The following HS3ST5 variants were observed in gnomAD, a reference collection of about 807,000 sequenced individuals.
HS3ST5 encodes the protein heparan sulfate-glucosamine 3-sulfotransferase 5.
HS3ST5 carries 10 observed loss-of-function variants against 25.4 expected under a neutral mutation model. That is an observed-to-expected ratio of 0.39 (90% CI 0.24 to 0.67). The LOEUF (loss-of-function observed/expected upper bound fraction) is 0.67, where lower values mean the gene tolerates loss of function less well. Ranked by LOEUF, HS3ST5 falls within the 30% of genes least tolerant of loss-of-function variation. HS3ST5 has a pLI of 0.44. For missense variants in HS3ST5, 324 were observed against 420.7 expected, an observed-to-expected ratio of 0.77 and a Z score of 2.01; for synonymous variants, 170 against 162.4, an observed-to-expected ratio of 1.05 and a Z score of -0.36.
At chr6:114,187,001 G>A (rs1315336262) in intron 2 of HS3ST5, among the ~76,000 whole-genome samples, 1 of 152,170 alleles carries the variant, frequency 6.6e-6, no homozygotes, top group African/African-American at 2.4e-5. Flanking sequence ...TGTTCACTAA[G>A]TGTTTTAAGA....
chr6:114,245,354 A>G (rs1194666041), intron 1 of HS3ST5, among the ~76,000 whole-genome samples: 5 of 152,162 alleles, frequency 3.3e-5, no homozygotes, highest in Admixed American at 2.0e-4. Flanking sequence ...CACAGTTATG[A>G]GACAGAAACA....
chr6:114,070,279 G>GAAA (rs542740095), intron 3 of HS3ST5, among the ~76,000 whole-genome samples: 7 of 113,878 alleles, frequency 6.1e-5, no homozygotes, highest in Admixed American at 9.1e-5. Context: ...ATGGGGAGAT[G>GAAA]AAAAAAAAAA....
intron 3 of HS3ST5, among the ~76,000 whole-genome samples, chr6:114,142,212 T>C (rs1027249287): frequency 2.6e-5 from 4 of 152,142 alleles, no homozygotes; most frequent in African/African-American, 9.7e-5. Flanking sequence ...CATCTCTGTA[T>C]AGAATTCTTT....
chr6:114,182,497 T>C (rs1780020256), intron 2 of HS3ST5, among the ~76,000 whole-genome samples: 1 of 152,158 alleles, frequency 6.6e-6, no homozygotes, highest in East Asian at 1.9e-4. Flanking sequence ...AGCAGATTAC[T>C]AAACCTCCTG....
intron 1 of HS3ST5, among the ~76,000 whole-genome samples, chr6:114,316,264 G>GTATAAATTA: frequency 6.6e-6 from 1 of 152,142 alleles, no homozygotes; most frequent in African/African-American, 2.4e-5. Context: ...ATAATTATTT[G>GTATAAATTA]TACAAATTAT....
chr6:114,245,308 G>T (rs1772327741), intron 1 of HS3ST5, among the ~76,000 whole-genome samples: 1 of 152,120 alleles, frequency 6.6e-6, no homozygotes, highest in Non-Finnish European at 1.5e-5. Flanking sequence ...TAAAATGAAG[G>T]TTTAGAGAGA....
intron 2 of HS3ST5, among the ~76,000 whole-genome samples, chr6:114,220,502 G>A (rs1781980696): frequency 6.6e-6 from 1 of 151,908 alleles, no homozygotes; most frequent in Non-Finnish European, 1.5e-5. Flanking sequence ...GGAACCCAGG[G>A]CACAGACGTT....
intron 1 of HS3ST5, among the ~76,000 whole-genome samples, chr6:114,277,189 A>G (rs1265710787): frequency 6.6e-6 from 1 of 150,990 alleles, no homozygotes; most frequent in Non-Finnish European, 1.5e-5. Context: ...TTCCTCCTCT[A>G]TAAGGATGAT....
At position 114,120,651 on chromosome 6, in the gene HS3ST5, C is replaced by A. The variant is rs369917472; in HGVS notation, c.-33+47700G>T. Among the ~76,000 whole-genome samples, 27 of 152,172 alleles carry A rather than the reference C, an allele frequency of 1.8e-4. 1 individual carries two copies. The East Asian group carries it at 2.7e-3, about 15-fold the overall frequency. On this transcript the variant is annotated intron_variant, in intron 3 of 4. Transcript: ENST00000312719. The stretch of plus-strand genomic sequence containing the variant: ...TGATTTATAGGCTATGATTTGAGAA[C>A]CTTTCTAGTAAGTCACATGGAAGAT...
chr6:114,073,886 G>A (rs35270977), intron 3 of HS3ST5, among the ~76,000 whole-genome samples: 23,266 of 152,054 alleles, frequency 0.15, 1,881 homozygotes, highest in African/African-American at 0.22. Flanking sequence ...GCAAAGACTT[G>A]GAACCAACCC....
At chr6:114,271,689 A>G (rs1773645121) in intron 1 of HS3ST5, among the ~76,000 whole-genome samples, 1 of 152,094 alleles carries the variant, frequency 6.6e-6, no homozygotes, top group Non-Finnish European at 1.5e-5. Context: ...ACATGATTGA[A>G]TTCATTCAAT....
chr6:114,303,363 A>G (rs924308038), intron 1 of HS3ST5, among the ~76,000 whole-genome samples: 1 of 126,450 alleles, frequency 7.9e-6, no homozygotes, highest in Non-Finnish European at 1.5e-5. Flanking sequence ...CTGGTTTCCT[A>G]TTGATTTAAA....
chr6:114,203,977 AC>A (rs1781148109), intron 2 of HS3ST5, among the ~76,000 whole-genome samples: 1 of 152,186 alleles, frequency 6.6e-6, no homozygotes, highest in African/African-American at 2.4e-5. Context: ...CATAGGGAGA[AC>A]CACAGAGTGA....
rs572278967 is a variant in HS3ST5 at position 114,196,059 on chromosome 6, G to A, written c.-144-27597C>T. ...TTCAGTTTCTTATAAAAGCCTTTGC[G>A]TTCAACTGTAAAAACAGCAACCCTC... On this transcript the variant is annotated intron_variant, in intron 2 of 4. Coordinates refer to ENST00000312719, the MANE Select transcript of HS3ST5 (RefSeq NM_153612.4). Among the ~76,000 whole-genome samples the A allele has an allele frequency of 9.2e-4, 140 of 152,230 alleles. 1 individual carries two copies. The highest frequency in any genetic ancestry group is 3.2e-3 in the African/African-American group (132 of 41,558).
intron 1 of HS3ST5, among the ~76,000 whole-genome samples, chr6:114,257,989 C>T (rs542414130): frequency 5.9e-5 from 9 of 152,224 alleles, no homozygotes; most frequent in Admixed American, 5.9e-4. Context: ...AAACTCTTGA[C>T]CCCAAGGGAT....
At chr6:114,279,364 T>C (rs1774003147) in intron 1 of HS3ST5, among the ~76,000 whole-genome samples, 1 of 152,090 alleles carries the variant, frequency 6.6e-6, no homozygotes. Flanking sequence ...AATTGCACCA[T>C]GGGGTTCTGC....
At position 114,342,984 on chromosome 6, in the gene HS3ST5, G is replaced by A. The variant is rs897489359; in HGVS notation, c.-1128C>T. 4.6e-5 allele frequency: 7 copies of A among 152,602 alleles called. No homozygotes were observed. The highest frequency in any genetic ancestry group is 1.3e-4 in the Admixed American group (2 of 15,312). The allele number at this position is 152,602 out of a possible 1,614,324, so 9.5% of individuals were successfully genotyped here. On this transcript the variant is annotated 5_prime_UTR_variant, in exon 1 of 5. Coordinates refer to ENST00000312719, the MANE Select transcript of HS3ST5 (RefSeq NM_153612.4). ...ATCTCTTCCCCTCCATCACTTGGGC[G>A]CGCAGGAGGGACCGGGTCCCTGGCG...
Position 114,228,085 on chromosome 6 carries a change from G to T in HS3ST5, c.-145+500C>A, listed in dbSNP as rs368077351. ...GGTTTAGCATAAGGTTTGAAAATGG[G>T]AACTAGATTGTATTGAATGTCACTT... On this transcript the variant is annotated intron_variant, in intron 2 of 4. Transcript: ENST00000312719. 7.9e-4 allele frequency among the ~76,000 whole-genome samples: 120 copies of T among 152,182 alleles called. 1 individual carries two copies. The highest frequency in any genetic ancestry group is 3.4e-3 in the Middle Eastern group (1 of 294).
chr6:114,276,870 T>A (rs1171708579), intron 1 of HS3ST5, among the ~76,000 whole-genome samples: 1 of 151,994 alleles, frequency 6.6e-6, no homozygotes, highest in Non-Finnish European at 1.5e-5. Flanking sequence ...CTTTCCTATA[T>A]CCTTGTATTT....
Sources: gnomAD v4.1 joint callset for allele counts (sites outside exome capture counted in the v4.1 genomes callset) on GRCh38, gnomAD v4.1.1 for gene constraint, MANE v1.5 for transcripts, NCBI Gene and HGNC (gene_info 2026-07-23, HGNC 2026-07-21) for gene names.